Variants in CADPS2 observed in about 807,000 individuals in gnomAD.
CADPS2 encodes calcium-dependent secretion activator 2.
Under a neutral mutation model 172.5 loss-of-function variants are expected in CADPS2, and 93 were observed. That is an observed-to-expected ratio of 0.54 (90% CI 0.46 to 0.64). The LOEUF is 0.64. CADPS2 is among the 30% of genes least tolerant of loss of function. The pLI, the probability that CADPS2 is intolerant of heterozygous loss-of-function variation, is 0.00. For synonymous variants in CADPS2, 546 were observed against 555.2 expected (o/e 0.98, Z 0.23); for missense variants, 1,420 against 1,565.9 (o/e 0.91, Z 1.57).
intron 1 of CADPS2, among the ~76,000 whole-genome samples, chr7:122,763,119 A>G (rs1396478319): frequency 6.6e-6 from 1 of 152,182 alleles, no homozygotes; most frequent in Admixed American, 6.6e-5. Flanking sequence ...TTAATGATTG[A>G]TACAGAGAAA....
chr7:122,656,583 C>T (rs2079824658), intron 3 of CADPS2, among the ~76,000 whole-genome samples: 1 of 152,118 alleles, frequency 6.6e-6, no homozygotes, highest in Admixed American at 6.6e-5. Flanking sequence ...CACTAAAAGA[C>T]TGAGATTTAA....
At chr7:122,510,991 T>C (rs2059965820) in intron 9 of CADPS2, among the ~76,000 whole-genome samples, 1 of 152,178 alleles carries the variant, frequency 6.6e-6, no homozygotes, top group Non-Finnish European at 1.5e-5. Context: ...CATGTGGATA[T>C]ATGCACATAT....
chr7:122,801,300 C>T (rs1225521287), intron 1 of CADPS2, among the ~76,000 whole-genome samples: 8 of 152,074 alleles, frequency 5.3e-5, no homozygotes. Flanking sequence ...CCTAAACCTA[C>T]TAATGTTTAT....
chr7:122,493,851 C>T (rs1364472657), intron 9 of CADPS2, among the ~76,000 whole-genome samples: 1 of 149,068 alleles, frequency 6.7e-6, no homozygotes, highest in Non-Finnish European at 1.5e-5. Flanking sequence ...GTTTTCTTTT[C>T]TGTGAGTTTC....
chr7:122,749,961 TAA>T (rs34910927), intron 1 of CADPS2, among the ~76,000 whole-genome samples: 84 of 133,784 alleles, frequency 6.3e-4, no homozygotes, highest in Admixed American at 9.7e-4. Flanking sequence ...CCTGTGAGGT[TAA>T]AAAAAAAAAA....
At chr7:122,806,226 G>A (rs1798768106) in intron 1 of CADPS2, among the ~76,000 whole-genome samples, 1 of 152,162 alleles carries the variant, frequency 6.6e-6, no homozygotes, top group African/African-American at 2.4e-5. Context: ...TATCTCTGAG[G>A]ATGTGGAAGA....
At chr7:122,472,104 C>T (rs1340206241) in intron 13 of CADPS2, among the ~76,000 whole-genome samples, 1 of 152,100 alleles carries the variant, frequency 6.6e-6, no homozygotes, top group Non-Finnish European at 1.5e-5. Flanking sequence ...GTTTCTGTTC[C>T]TCCTGAAATA....
chr7:122,810,563 G>A (rs1371318660), intron 1 of CADPS2, among the ~76,000 whole-genome samples: 6 of 152,140 alleles, frequency 3.9e-5, no homozygotes, highest in Non-Finnish European at 8.8e-5. Context: ...TAGATTCCAG[G>A]AGCTGATTCC....
intron 7 of CADPS2, among the ~76,000 whole-genome samples, chr7:122,560,390 C>A (rs189164409): frequency 2.6e-5 from 4 of 152,098 alleles, no homozygotes; most frequent in African/African-American, 7.2e-5. Context: ...TTTAGTAAAA[C>A]AATGTTTACA....
intron 24 of CADPS2, 107 bp downstream of exon 24, chr7:122,386,919 G>T: frequency 8.8e-7 from 1 of 1,141,956 alleles, no homozygotes; most frequent in South Asian, 1.6e-5. Context: ...TTTGGTGCTA[G>T]AGAACTTGGT....
intron 8 of CADPS2, among the ~76,000 whole-genome samples, chr7:122,548,336 G>A (rs1028859603): frequency 6.6e-6 from 1 of 151,972 alleles, no homozygotes; most frequent in African/African-American, 2.4e-5. Context: ...TCACACCACT[G>A]CACTACAGCC....
chr7:122,760,781 GA>G (rs1359625659), intron 1 of CADPS2, among the ~76,000 whole-genome samples: 1 of 134,246 alleles, frequency 7.4e-6, no homozygotes, highest in Non-Finnish European at 1.5e-5. Context: ...ATGGATACAG[GA>G]AGGGGAACAT....
rs1428288698 is a variant in CADPS2 at position 122,466,260 on chromosome 7, C to A, written c.2186+5115G>T. ...ATATCTCACAAAGATCCAGGAGTTG[C>A]ACAGTTTGAATGGAAGGTGTGGAAG... On this transcript the variant is annotated intron_variant, in intron 14 of 29. Transcript: ENST00000449022. Among the ~76,000 whole-genome samples the A allele has an allele frequency of 2.0e-5, 3 of 152,314 alleles. No homozygotes were observed. In the East Asian group the frequency reaches 5.8e-4, roughly 29 times the overall value.
chr7:122,668,679 C>G (rs1264143256), intron 2 of CADPS2, among the ~76,000 whole-genome samples: 2 of 152,016 alleles, frequency 1.3e-5, no homozygotes, highest in South Asian at 2.1e-4. Context: ...GAGAGAGAGA[C>G]AGAGAGAGAA....
intron 8 of CADPS2, among the ~76,000 whole-genome samples, chr7:122,554,137 G>C (rs1482566656): frequency 6.6e-6 from 1 of 151,188 alleles, no homozygotes; most frequent in Admixed American, 6.6e-5. Context: ...TAGCCTCGTT[G>C]GGTTACATCT....
At chr7:122,450,006 A>T (rs1026734843) in intron 15 of CADPS2, among the ~76,000 whole-genome samples, 20 of 152,186 alleles carry the variant, frequency 1.3e-4, no homozygotes, top group African/African-American at 4.6e-4. Context: ...TTCTCCTTTC[A>T]ATATCATTTA....
intron 6 of CADPS2, among the ~76,000 whole-genome samples, chr7:122,604,928 TCA>T (rs1468865315): frequency 3.9e-5 from 6 of 152,124 alleles, no homozygotes; most frequent in Non-Finnish European, 8.8e-5. Flanking sequence ...AGTGTGAAAA[TCA>T]CAGAGTGTAC....
intron 11 of CADPS2, among the ~76,000 whole-genome samples, chr7:122,485,849 TAA>T (rs1323645652): frequency 6.6e-6 from 1 of 152,206 alleles, no homozygotes; most frequent in East Asian, 1.9e-4. Flanking sequence ...CTGGTGACTT[TAA>T]GTTGAAGCCA....
chr7:122,811,926 CTTTCA>C (rs1800105978), intron 1 of CADPS2, among the ~76,000 whole-genome samples: 1 of 152,076 alleles, frequency 6.6e-6, no homozygotes, highest in African/African-American at 2.4e-5. Flanking sequence ...AAGAAACTCT[CTTTCA>C]TTTAATTATC....
Sources: allele counts gnomAD v4.1 joint callset (sites outside exome capture counted in the v4.1 genomes callset), GRCh38; gene constraint gnomAD v4.1.1; transcripts MANE v1.5; gene names NCBI Gene and HGNC (gene_info 2026-07-23, HGNC 2026-07-21).